Variants in PLA2G4A observed in about 807,000 individuals in gnomAD.
The protein encoded by PLA2G4A is cytosolic phospholipase A2.
PLA2G4A carries 40 observed loss-of-function variants against 81.9 expected under a neutral mutation model. That is an observed-to-expected ratio of 0.49 (90% confidence interval 0.38 to 0.64). PLA2G4A has a LOEUF of 0.64. Ranked by LOEUF, PLA2G4A falls within the 30% of genes least tolerant of loss-of-function variation. The pLI, the probability that PLA2G4A is intolerant of heterozygous loss-of-function variation, is 0.00. For synonymous variants in PLA2G4A, 302 were observed against 296.9 expected (o/e 1.02, Z -0.18); for missense variants, 715 against 905.1 (o/e 0.79, Z 2.69).
chr1:186,869,178 C>T (rs192689453), intron 2 of PLA2G4A, among the ~76,000 whole-genome samples: 12 of 151,890 alleles, frequency 7.9e-5, no homozygotes, highest in Admixed American at 4.6e-4. Context: ...TATAAATTTC[C>T]CATTCAGTAC....
chr1:186,835,017 G>T (rs894492632), intron 1 of PLA2G4A, among the ~76,000 whole-genome samples: 1 of 152,080 alleles, frequency 6.6e-6, no homozygotes, highest in Non-Finnish European at 1.5e-5. Flanking sequence ...TTAGTTATAC[G>T]CTTGACTTAG....
intron 3 of PLA2G4A, among the ~76,000 whole-genome samples, chr1:186,872,442 T>A (rs542508377): frequency 6.6e-6 from 1 of 152,126 alleles, no homozygotes; most frequent in East Asian, 1.9e-4. Context: ...TTGTCAGGCA[T>A]GCAAAAGACA....
chr1:186,987,503 G>A (rs1657928341), intron 17 of PLA2G4A, among the ~76,000 whole-genome samples: 1 of 152,158 alleles, frequency 6.6e-6, no homozygotes, highest in Non-Finnish European at 1.5e-5. Flanking sequence ...ATTGGTCATC[G>A]AGATGAAATG....
chr1:186,915,566 G>A (rs1655107328), intron 7 of PLA2G4A, among the ~76,000 whole-genome samples: 1 of 152,092 alleles, frequency 6.6e-6, no homozygotes, highest in Non-Finnish European at 1.5e-5. Context: ...GAATTTGCCT[G>A]TTTTTATGGG....
intron 9 of PLA2G4A, 139 bp downstream of exon 9, chr1:186,939,369 G>A (rs1350605085): frequency 6.9e-6 from 3 of 437,882 alleles, no homozygotes; most frequent in Admixed American, 3.8e-5. Context: ...TATGCGTACT[G>A]AGCCCATTCT....
chr1:186,896,415 C>A (rs1028742305), intron 5 of PLA2G4A, among the ~76,000 whole-genome samples: 1 of 152,112 alleles, frequency 6.6e-6, no homozygotes, highest in African/African-American at 2.4e-5. Context: ...CTTGGCAGAT[C>A]CATTTTGCTG....
At position 186,852,027 on chromosome 1, in the gene PLA2G4A, T is replaced by A. The variant is rs985282846; in HGVS notation, c.-69-2259T>A. ...TGAACATCCCTTGACTTGAGCAAAA[T>A]GCTTTAGTGTAACTGGGCTTGAAAA... On this transcript the variant is annotated intron_variant, in intron 1 of 17. Transcript: ENST00000367466. Among the ~76,000 whole-genome samples, 5 of 152,074 alleles carry A rather than the reference T, an allele frequency of 3.3e-5. 1 individual carries two copies. In the South Asian group the frequency reaches 8.3e-4, roughly 25 times the overall value.
intron 14 of PLA2G4A, among the ~76,000 whole-genome samples, chr1:186,957,081 G>T (rs112471709): frequency 4.1e-5 from 6 of 147,352 alleles, no homozygotes; most frequent in African/African-American, 1.3e-4. Context: ...GAACCTGGGA[G>T]GCAGACATTG....
chr1:186,911,498 C>A, intron 7 of PLA2G4A, 109 bp downstream of exon 7: 1 of 856,898 alleles, frequency 1.2e-6, no homozygotes, highest in Non-Finnish European at 2.0e-6. Context: ...GAGCATTATT[C>A]CTTTAGTTTT....
chr1:186,854,053 A>G (rs1411168054), intron 1 of PLA2G4A, among the ~76,000 whole-genome samples: 1 of 151,984 alleles, frequency 6.6e-6, no homozygotes, highest in African/African-American at 2.4e-5. Context: ...TTTCCTAATA[A>G]TTATTCACAG....
chr1:186,842,277 A>G (rs1039514015), intron 1 of PLA2G4A, among the ~76,000 whole-genome samples: 1 of 152,058 alleles, frequency 6.6e-6, no homozygotes, highest in African/African-American at 2.4e-5. Context: ...TCCTGAGCTC[A>G]GACAATTCAC....
At chr1:186,846,243 T>C (rs1652169466) in intron 1 of PLA2G4A, among the ~76,000 whole-genome samples, 2 of 152,198 alleles carry the variant, frequency 1.3e-5, no homozygotes, top group Non-Finnish European at 2.9e-5. Context: ...AAAGGACGGC[T>C]GCCTATTCCT....
At chr1:186,829,775 T>G (rs866564220) in intron 1 of PLA2G4A, among the ~76,000 whole-genome samples, 1 of 152,338 alleles carries the variant, frequency 6.6e-6, no homozygotes, top group East Asian at 1.9e-4. Context: ...AGTGGATGAA[T>G]GTATCTGTCT....
Position 186,830,608 on chromosome 1 carries a change from C to CAAAAAAAAAAAAAA in PLA2G4A, c.-70+1584_-70+1597dup, listed in dbSNP as rs55745208. Among the ~76,000 whole-genome samples the CAAAAAAAAAAAAAA allele has an allele frequency of 6.5e-4, 47 of 72,684 alleles. 2 individuals carry two copies. The highest frequency in any genetic ancestry group is 2.3e-3 in the African/African-American group (42 of 18,594). 47.7% of individuals were successfully genotyped at this position (72,684 alleles called of 152,430 possible). The stretch of plus-strand genomic sequence containing the variant: ...GAGCGAAAACAGCGAAGCTCTGTCT[C>CAAAAAAAAAAAAAA]AAAAAAAAAAAAAAAAAAAAAAAAG... On this transcript the variant is annotated intron_variant, in intron 1 of 17. Transcript: ENST00000367466.
intron 1 of PLA2G4A, among the ~76,000 whole-genome samples, chr1:186,853,740 T>C (rs1231993939): frequency 6.6e-6 from 1 of 151,910 alleles, no homozygotes; most frequent in Non-Finnish European, 1.5e-5. Context: ...TCCATTAAAA[T>C]ATTTTTATTT....
chr1:186,938,311 A>G (rs1656026520), intron 8 of PLA2G4A, among the ~76,000 whole-genome samples: 1 of 152,128 alleles, frequency 6.6e-6, no homozygotes, highest in Non-Finnish European at 1.5e-5. Context: ...TTTATTATCT[A>G]GATATCAAAT....
chr1:186,963,693 C>A (rs1156641220), intron 14 of PLA2G4A, among the ~76,000 whole-genome samples: 2 of 152,058 alleles, frequency 1.3e-5, no homozygotes, highest in Non-Finnish European at 2.9e-5. Flanking sequence ...CACTAGTAAG[C>A]GTTTGTAACA....
At chr1:186,890,826 C>T (rs900013893) in intron 3 of PLA2G4A, among the ~76,000 whole-genome samples, 1 of 146,910 alleles carries the variant, frequency 6.8e-6, no homozygotes, top group Non-Finnish European at 1.5e-5. Context: ...GCACTCCAGC[C>T]TGGCAACAGA....
At chr1:186,931,482 G>T (rs1452841142) in intron 7 of PLA2G4A, among the ~76,000 whole-genome samples, 5 of 151,356 alleles carry the variant, frequency 3.3e-5, no homozygotes, top group Admixed American at 3.3e-4. Context: ...GGCCTCTGCA[G>T]ATTTATCTTT....
Sources: gnomAD v4.1 joint callset for allele counts (sites outside exome capture counted in the v4.1 genomes callset) on GRCh38, gnomAD v4.1.1 for gene constraint, MANE v1.5 for transcripts, NCBI Gene and HGNC (gene_info 2026-07-23, HGNC 2026-07-21) for gene names.